CELF2: variants seen among roughly 807,000 people sequenced by gnomAD.
CELF2 encodes CUGBP Elav-like family member 2, also known as CUG triplet repeat RNA-binding protein 2.
Under a neutral mutation model 62.6 loss-of-function variants are expected in CELF2, and 8 were observed. The ratio of observed to expected loss-of-function variants is 0.13; its 90% CI spans 0.07 to 0.23. The LOEUF (loss-of-function observed/expected upper bound fraction) is 0.23, where lower values mean the gene tolerates loss of function less well. Ranked by LOEUF, CELF2 falls within the 10% of genes least tolerant of loss-of-function variation. The pLI is 1.00. For missense variants in CELF2, 333 were observed against 671.0 expected (o/e 0.50, Z 5.56); for synonymous variants, 258 against 250.0 (o/e 1.03, Z -0.30).
chr10:10,516,430 C>T, the CELF2 span, among the ~76,000 whole-genome samples: 1 of 152,168 alleles, frequency 6.6e-6, no homozygotes, highest in Non-Finnish European at 1.5e-5. Flanking sequence ...TAAATTGCTA[C>T]TGTTTATTTT....
At chr10:11,152,795 G>T (rs1444072457) in intron 1 of CELF2, among the ~76,000 whole-genome samples, 6 of 152,166 alleles carry the variant, frequency 3.9e-5, no homozygotes. Flanking sequence ...TCTCTGACCT[G>T]CTAAAATTTC....
chr10:10,700,940 T>C, the CELF2 span, among the ~76,000 whole-genome samples: 3 of 152,222 alleles, frequency 2.0e-5, no homozygotes, highest in Non-Finnish European at 4.4e-5. Context: ...CTGACTCTCC[T>C]ACGCCTCCAC....
the CELF2 span, among the ~76,000 whole-genome samples, chr10:10,468,227 T>C: frequency 2.0e-5 from 3 of 151,990 alleles, no homozygotes; most frequent in African/African-American, 7.2e-5. Context: ...TCTTATACAA[T>C]AAACAGATAC....
intron 8 of CELF2, among the ~76,000 whole-genome samples, chr10:11,283,308 C>T (rs1483964648): frequency 6.6e-6 from 1 of 152,204 alleles, no homozygotes; most frequent in Non-Finnish European, 1.5e-5. Context: ...GGATTTCTTC[C>T]CCACTCCCTG....
At chr10:10,702,982 C>T in the CELF2 span, among the ~76,000 whole-genome samples, 1 of 152,198 alleles carries the variant, frequency 6.6e-6, no homozygotes, top group Non-Finnish European at 1.5e-5. Flanking sequence ...GCAGAATTCA[C>T]TCTTTCAAAA....
chr10:11,004,719 A>C (rs2054903802), upstream of CELF2, among the ~76,000 whole-genome samples: 1 of 152,136 alleles, frequency 6.6e-6, no homozygotes, highest in Admixed American at 6.5e-5. The surrounding 1 kb of genome is among the most constrained non-coding windows in gnomAD (Gnocchi z 5.0). Context: ...TCTGGTGCGC[A>C]CAGAGTTAAA....
the CELF2 span, among the ~76,000 whole-genome samples, chr10:10,763,575 T>C: frequency 7.9e-4 from 121 of 152,210 alleles, 1 homozygote; most frequent in African/African-American, 2.9e-3. Flanking sequence ...AGGAAGAAAA[T>C]GGAAGGTGAA....
At chr10:10,586,015 T>A in the CELF2 span, among the ~76,000 whole-genome samples, 1 of 152,222 alleles carries the variant, frequency 6.6e-6, no homozygotes. Flanking sequence ...TAAATATTAA[T>A]CTGGAGAGAT....
the CELF2 span, among the ~76,000 whole-genome samples, chr10:10,712,357 C>A: frequency 6.6e-6 from 1 of 152,076 alleles, no homozygotes; most frequent in Non-Finnish European, 1.5e-5. Flanking sequence ...GTTGACTACA[C>A]GCTTCTCTAA....
intron 2 of CELF2, among the ~76,000 whole-genome samples, chr10:10,956,092 G>A (rs1417786901): frequency 6.6e-6 from 1 of 152,166 alleles, no homozygotes; most frequent in Admixed American, 6.5e-5. Context: ...TTTTAAATTC[G>A]TCTTATATGG....
At chr10:10,812,146 G>A (rs2055963677) in intron 1 of CELF2, among the ~76,000 whole-genome samples, 1 of 152,144 alleles carries the variant, frequency 6.6e-6, no homozygotes, top group Non-Finnish European at 1.5e-5. Flanking sequence ...AAGAAAAATA[G>A]GTTTAATGAA....
the CELF2 span, among the ~76,000 whole-genome samples, chr10:10,583,013 A>T: frequency 8.5e-5 from 13 of 152,212 alleles, no homozygotes; most frequent in Non-Finnish European, 4.4e-5. Flanking sequence ...GTAGATAATG[A>T]ACAATTTCAA....
chr10:10,474,356 G>A, the CELF2 span, among the ~76,000 whole-genome samples: 3 of 152,014 alleles, frequency 2.0e-5, no homozygotes, highest in African/African-American at 7.2e-5. Context: ...GGTGGGAGCA[G>A]AGTAACAATG....
At chr10:11,158,150 A>G (rs1596339340) in intron 1 of CELF2, among the ~76,000 whole-genome samples, 1 of 152,320 alleles carries the variant, frequency 6.6e-6, no homozygotes, top group Non-Finnish European at 1.5e-5. Flanking sequence ...TCAATCATCC[A>G]AAGAGCCACT....
At chr10:10,966,110 A>T (rs2050096812) in intron 2 of CELF2, among the ~76,000 whole-genome samples, 1 of 152,232 alleles carries the variant, frequency 6.6e-6, no homozygotes, top group African/African-American at 2.4e-5. Context: ...GAGAACAGGG[A>T]TGGAGGAGAT....
At chr10:11,199,426 G>A (rs546192217) in intron 2 of CELF2, among the ~76,000 whole-genome samples, 1 of 152,242 alleles carries the variant, frequency 6.6e-6, no homozygotes, top group South Asian at 2.1e-4. Context: ...CTGACCACAA[G>A]TGCTGGAAGT....
intron 5 of CELF2, among the ~76,000 whole-genome samples, chr10:11,262,647 A>G (rs2081009661): frequency 6.6e-6 from 1 of 152,220 alleles, no homozygotes; most frequent in Non-Finnish European, 1.5e-5. Context: ...AAAGTAACTC[A>G]GCATCAGGGA....
At chr10:11,040,532 C>G (rs577883083) in intron 1 of CELF2, among the ~76,000 whole-genome samples, 1 of 152,124 alleles carries the variant, frequency 6.6e-6, no homozygotes, top group African/African-American at 2.4e-5. Context: ...CGACGCACTT[C>G]CAAGCAGTTC....
chr10:10,465,095 C>G, the CELF2 span, among the ~76,000 whole-genome samples: 1 of 152,098 alleles, frequency 6.6e-6, no homozygotes, highest in African/African-American at 2.4e-5. Flanking sequence ...ATTTTACACA[C>G]AGACATATGG....
Sources: allele counts gnomAD v4.1 joint callset (sites outside exome capture counted in the v4.1 genomes callset), GRCh38; gene constraint gnomAD v4.1.1; non-coding constraint Gnocchi (gnomAD v3.1); transcripts MANE v1.5; gene names NCBI Gene and HGNC (gene_info 2026-07-23, HGNC 2026-07-21).